The following DOK6 variants were observed in gnomAD, a reference collection of about 807,000 sequenced individuals.
DOK6 encodes docking protein 6.
DOK6 carries 22 observed loss-of-function variants against 44.0 expected under a neutral mutation model. That is an observed-to-expected ratio of 0.50 (90% CI 0.36 to 0.71). The LOEUF is 0.71. Ranked by LOEUF, DOK6 falls within the 30% of genes least tolerant of loss-of-function variation. The pLI is 0.00. For synonymous variants in DOK6, 166 were observed against 145.5 expected, an observed-to-expected ratio of 1.14 and a Z score of -1.01; for missense variants, 340 against 416.4, an observed-to-expected ratio of 0.82 and a Z score of 1.60.
At chr18:69,665,153 C>T (rs934872787) in intron 3 of DOK6, among the ~76,000 whole-genome samples, 5 of 151,966 alleles carry the variant, frequency 3.3e-5, no homozygotes, top group Non-Finnish European at 7.4e-5. Flanking sequence ...TGTACTCCAG[C>T]CTGGGTGACA....
intron 3 of DOK6, among the ~76,000 whole-genome samples, chr18:69,628,612 T>C (rs975989593): frequency 4.6e-5 from 7 of 152,338 alleles, no homozygotes; most frequent in African/African-American, 1.7e-4. Context: ...AGGAGGGATA[T>C]GGTATGAAAC....
At chr18:69,838,929 C>A (rs1982128625) in intron 7 of DOK6, among the ~76,000 whole-genome samples, 2 of 151,094 alleles carry the variant, frequency 1.3e-5, no homozygotes, top group Non-Finnish European at 3.0e-5. Flanking sequence ...CTTTCCCTAG[C>A]CCCTACCTTA....
At chr18:69,746,667 T>C (rs1387517663) in intron 6 of DOK6, among the ~76,000 whole-genome samples, 2 of 152,208 alleles carry the variant, frequency 1.3e-5, no homozygotes, top group Admixed American at 6.5e-5. Context: ...ACCATGTAAA[T>C]ATTACCTTTT....
At chr18:69,414,130 C>G (rs1390013928) in intron 1 of DOK6, among the ~76,000 whole-genome samples, 1 of 152,022 alleles carries the variant, frequency 6.6e-6, no homozygotes, top group African/African-American at 2.4e-5. Flanking sequence ...CTGGGTCACT[C>G]ATTACTGGCG....
chr18:69,534,506 A>T (rs1982067962), intron 1 of DOK6, among the ~76,000 whole-genome samples: 1 of 151,844 alleles, frequency 6.6e-6, no homozygotes, highest in Admixed American at 6.6e-5. Flanking sequence ...AATTTTTTTT[A>T]ATTTTCTTAT....
intron 5 of DOK6, among the ~76,000 whole-genome samples, chr18:69,704,815 A>G (rs919724124): frequency 1.3e-5 from 2 of 152,178 alleles, no homozygotes; most frequent in African/African-American, 4.8e-5. Flanking sequence ...AATGATCCAG[A>G]AAAAGATGCT....
chr18:69,651,247 C>T (rs1985217848), intron 3 of DOK6, among the ~76,000 whole-genome samples: 1 of 152,158 alleles, frequency 6.6e-6, no homozygotes, highest in Admixed American at 6.5e-5. Context: ...TTACCACCTC[C>T]TTGAAGCACA....
chr18:69,649,003 ATAGCATCCATAT>A (rs1381166491), intron 3 of DOK6, among the ~76,000 whole-genome samples: 1 of 152,214 alleles, frequency 6.6e-6, no homozygotes, highest in Non-Finnish European at 1.5e-5. Flanking sequence ...TTATTAGAGC[ATAGCATCCATAT>A]GGCATATTCT....
At chr18:69,449,359 C>G (rs1979388048) in intron 1 of DOK6, among the ~76,000 whole-genome samples, 1 of 152,088 alleles carries the variant, frequency 6.6e-6, no homozygotes. Flanking sequence ...GAGCTTTTCT[C>G]TTAGTTGTAA....
chr18:69,631,200 G>A (rs891594821), intron 3 of DOK6, among the ~76,000 whole-genome samples: 8 of 152,052 alleles, frequency 5.3e-5, no homozygotes, highest in Admixed American at 6.6e-5. Flanking sequence ...ACAAAATGTA[G>A]ACAATATGAG....
intron 7 of DOK6, among the ~76,000 whole-genome samples, chr18:69,819,961 C>T (rs1472976084): frequency 1.3e-5 from 2 of 152,100 alleles, no homozygotes; most frequent in Admixed American, 6.6e-5. Context: ...AAAAAAATCT[C>T]ATAATGTTTA....
Position 69,716,655 on chromosome 18 carries a change from A to G in DOK6, c.599+18062A>G, listed in dbSNP as rs1196022195. ...TCTCAGACTGTGTCTGCAGTTGCTC[A>G]TAGTTGTTTTGGATAACAGATTCTC... is the stretch of plus-strand genomic sequence containing the variant. On this transcript the variant is annotated intron_variant, in intron 5 of 7. Transcript: ENST00000382713. Among the ~76,000 whole-genome samples the G allele has an allele frequency of 2.0e-5, 3 of 147,486 alleles. No individual in the cohort carries two copies. In the East Asian group the frequency reaches 6.0e-4, roughly 29 times the overall value.
chr18:69,437,902 C>T (rs1599131098), intron 1 of DOK6, among the ~76,000 whole-genome samples: 1 of 152,298 alleles, frequency 6.6e-6, no homozygotes, highest in East Asian at 1.9e-4. Flanking sequence ...TGTTCACACT[C>T]TGCTGTAGTC....
intron 3 of DOK6, among the ~76,000 whole-genome samples, chr18:69,630,855 G>T (rs1254319959): frequency 1.3e-5 from 2 of 152,062 alleles, no homozygotes; most frequent in Non-Finnish European, 2.9e-5. Context: ...GTCTTACTCA[G>T]AAAAGTATAA....
At chr18:69,743,944 G>T (rs1284176724) in intron 6 of DOK6, among the ~76,000 whole-genome samples, 1 of 152,130 alleles carries the variant, frequency 6.6e-6, no homozygotes, top group Non-Finnish European at 1.5e-5. Context: ...ACGCCAGGAA[G>T]ATATCAAGAC....
chr18:69,749,564 C>T (rs1979100899), intron 6 of DOK6, among the ~76,000 whole-genome samples: 1 of 152,152 alleles, frequency 6.6e-6, no homozygotes, highest in African/African-American at 2.4e-5. Flanking sequence ...TCAATCAAAG[C>T]TTCAGCATCC....
chr18:69,768,093 A>C (rs1208499854), intron 7 of DOK6, among the ~76,000 whole-genome samples: 1 of 152,200 alleles, frequency 6.6e-6, no homozygotes, highest in Non-Finnish European at 1.5e-5. Flanking sequence ...AAGAAGTAAC[A>C]TACTGAGTTC....
Position 69,844,430 on chromosome 18 carries a change from G to A in DOK6, c.*3047G>A, listed in dbSNP as rs1048921173. ...TATCTATTTCACTGAGAGATTACAC[G>A]AGGGGACTTATTTTTTATGTTCCCA... On this transcript the variant is annotated 3_prime_UTR_variant, in exon 8 of 8. Coordinates refer to ENST00000382713, the MANE Select transcript of DOK6 (RefSeq NM_152721.6). The A allele has an allele frequency of 6.6e-6, 1 of 152,194 alleles. No homozygotes were observed. The highest frequency in any genetic ancestry group is 1.5e-5 in the Non-Finnish European group (1 of 68,014). The allele number at this position is 152,194 out of a possible 1,614,324, so 9.4% of individuals were successfully genotyped here. A position where few individuals can be genotyped will look rare whatever the true frequency, so the allele number is the denominator to read the frequency against.
At chr18:69,802,372 A>C (rs1980928759) in intron 7 of DOK6, among the ~76,000 whole-genome samples, 1 of 152,172 alleles carries the variant, frequency 6.6e-6, no homozygotes, top group Admixed American at 6.6e-5. Flanking sequence ...CTTTTCCAGA[A>C]GTTACCCCAT....
Sources: gnomAD v4.1 joint callset for allele counts (sites outside exome capture counted in the v4.1 genomes callset) on GRCh38, gnomAD v4.1.1 for gene constraint, MANE v1.5 for transcripts, NCBI Gene and HGNC (gene_info 2026-07-23, HGNC 2026-07-21) for gene names.